The following MAP3K4 variants were observed in gnomAD, a reference collection of about 807,000 sequenced individuals.
MAP3K4 encodes the protein MAP three kinase 1.
MAP3K4 carries 67 observed loss-of-function variants against 185.6 expected under a neutral mutation model. That is an observed-to-expected ratio of 0.36 (90% CI 0.30 to 0.44). MAP3K4 has a LOEUF of 0.44. Among genes scored for constraint, MAP3K4 ranks in the 20% least tolerant of loss-of-function variants. MAP3K4 has a pLI of 1.00. For missense variants in MAP3K4, 1,551 were observed against 1,995.1 expected (o/e 0.78, Z 4.24); for synonymous variants, 702 against 710.4 (o/e 0.99, Z 0.19).
chr6:161,019,917 A>T (rs1212822780), intron 1 of MAP3K4, among the ~76,000 whole-genome samples: 1 of 152,240 alleles, frequency 6.6e-6, no homozygotes. Flanking sequence ...CACTCCAAAC[A>T]TGAAACAGCA....
chr6:161,067,407 T>C lies in MAP3K4; in HGVS notation c.1708-3201T>C. 5.7e-6 allele frequency: 1 copy of C among 174,614 alleles called. No individual in the cohort carries two copies. Among genetic ancestry groups the C allele is most frequent in the Non-Finnish European group, 1.3e-5 (1 of 79,458 alleles). The allele number at this position is 174,614 out of a possible 1,614,324, so 10.8% of individuals were successfully genotyped here. A position where few individuals can be genotyped will look rare whatever the true frequency, so the allele number is the denominator to read the frequency against. On this transcript the variant is annotated intron_variant, in intron 3 of 26. Transcript: ENST00000392142. The surrounding 1 kb of genome is among the most constrained non-coding windows in gnomAD (Gnocchi z 6.3). ...TGGGAGGCAGGTTTACCCTAAGCAG[T>C]TCCCAGCTTGACTTTTCCCTTTAGC... is the stretch of plus-strand genomic sequence containing the variant.
chr6:161,078,419 C>T (rs1313733899), intron 5 of MAP3K4, among the ~76,000 whole-genome samples: 1 of 152,114 alleles, frequency 6.6e-6, no homozygotes, highest in African/African-American at 2.4e-5. Flanking sequence ...AAGGATAAGC[C>T]CATGGGATCT....
chr6:161,071,165 T>G lies in MAP3K4; in HGVS notation c.1950+315T>G, dbSNP rs1784924194. Among the ~76,000 whole-genome samples the G allele has an allele frequency of 6.6e-6, 1 of 152,162 alleles. No homozygotes were observed. The highest frequency in any genetic ancestry group is 2.1e-4 in the South Asian group (1 of 4,822). Reference sequence around the variant, plus strand: ...TAGAGTATAAGATTCTTAAATTTATTTATTTTTTCTATTTGAAGTACATGT... The same window carrying G: ...TAGAGTATAAGATTCTTAAATTTATGTATTTTTTCTATTTGAAGTACATGT... On this transcript the variant is annotated intron_variant, in intron 4 of 26. Transcript: ENST00000392142. This position sits in a 1 kb window ranked among gnomAD's most constrained non-coding sequence, Gnocchi z 4.6.
rs1194113303 is a variant in MAP3K4, at chr6:161,091,866, A to C, written c.3136-144A>C. The C allele has an allele frequency of 1.4e-6, 1 of 705,690 alleles. No individual in the cohort carries two copies. Among genetic ancestry groups the C allele is most frequent in the Non-Finnish European group, 2.3e-6 (1 of 434,582 alleles). 43.7% of individuals were successfully genotyped at this position (705,690 alleles called of 1,614,324 possible). A position where few individuals can be genotyped will look rare whatever the true frequency, so the allele number is the denominator to read the frequency against. The stretch of plus-strand genomic sequence containing the variant: ...ATTTTGAAACACTGTACTTTCCATA[A>C]TTCTTCATACTATTCAAAATATAGA... On this transcript the variant is annotated intron_variant, in intron 12 of 26. Transcript: ENST00000392142. The surrounding 1 kb of genome is among the most constrained non-coding windows in gnomAD (Gnocchi z 5.5).
intron 11 of MAP3K4, among the ~76,000 whole-genome samples, chr6:161,090,587 T>C (rs1190517352): frequency 8.4e-6 from 1 of 118,848 alleles, no homozygotes; most frequent in African/African-American, 3.0e-5. Context: ...TGTGGACGTT[T>C]GGGCCCGTAA....
At chr6:161,018,314 A>G (rs574420080) in intron 1 of MAP3K4, among the ~76,000 whole-genome samples, 7 of 152,296 alleles carry the variant, frequency 4.6e-5, no homozygotes, top group Admixed American at 3.3e-4. Context: ...GAAACTCTGC[A>G]AATAAGGCAA....
intron 1 of MAP3K4, among the ~76,000 whole-genome samples, chr6:161,028,826 A>G (rs1782791008): frequency 6.6e-6 from 1 of 152,172 alleles, no homozygotes; most frequent in South Asian, 2.1e-4. Context: ...TCGAGGTTTG[A>G]CCGTTCACCT....
chr6:161,021,178 G>A (rs1782368279), intron 1 of MAP3K4, among the ~76,000 whole-genome samples: 2 of 152,186 alleles, frequency 1.3e-5, no homozygotes, highest in Admixed American at 1.3e-4. Flanking sequence ...CCATTTGTAA[G>A]GTTTTTATAA....
rs549789211 is a variant in MAP3K4 at position 161,029,000 on chromosome 6, A to G, written c.153-5259A>G. Among the ~76,000 whole-genome samples the G allele has an allele frequency of 1.4e-4, 22 of 152,316 alleles. No individual in the cohort carries two copies. In the East Asian group the frequency reaches 4.2e-3, roughly 29 times the overall value. On this transcript the variant is annotated intron_variant, in intron 1 of 26. Coordinates refer to ENST00000392142, the MANE Select transcript of MAP3K4 (RefSeq NM_005922.4). ...CTTAGCTCCCTTTGATTAATACTTC[A>G]GGCCAAGCAAGCTATACACATTGTT...
At chr6:160,993,813 C>T (rs73591456) in intron 1 of MAP3K4, among the ~76,000 whole-genome samples, 3,731 of 151,754 alleles carry the variant, frequency 0.025, 172 homozygotes, top group African/African-American at 0.086. Flanking sequence ...TAATGGGTTT[C>T]ATCCAACTGT....
At chr6:161,025,152 T>C (rs1782583427) in intron 1 of MAP3K4, among the ~76,000 whole-genome samples, 1 of 152,238 alleles carries the variant, frequency 6.6e-6, no homozygotes, top group Non-Finnish European at 1.5e-5. Context: ...AGTTGGCTCC[T>C]GTGTCTCTGT....
chr6:161,037,971 A>AT lies in MAP3K4; in HGVS notation c.343+3530dup, dbSNP rs144533292. On this transcript the variant is annotated intron_variant, in intron 2 of 26. Transcript: ENST00000392142. This position sits in a 1 kb window ranked among gnomAD's most constrained non-coding sequence, Gnocchi z 4.2. ...TCTCACTACATAATGCTGCTAGTAC[A>AT]TTTTTTTTGTTACTGTTGCTGTTGC... Among the ~76,000 whole-genome samples the AT allele has an allele frequency of 0.022, 3,405 of 151,776 alleles. 109 individuals carry two copies. Among genetic ancestry groups the AT allele is most frequent in the African/African-American group, 0.073 (3,031 of 41,328 alleles).
intron 1 of MAP3K4, among the ~76,000 whole-genome samples, chr6:161,028,788 A>T (rs1282878798): frequency 6.6e-6 from 1 of 152,250 alleles, no homozygotes; most frequent in Admixed American, 6.5e-5. Flanking sequence ...AAACAGTGCA[A>T]AAGTTAGATA....
chr6:161,025,002 T>G (rs140565397), intron 1 of MAP3K4, among the ~76,000 whole-genome samples: 5,830 of 148,126 alleles, frequency 0.039, 151 homozygotes, highest in South Asian at 0.077. Context: ...CACCCAGCCA[T>G]CCATCCATCC....
At position 161,043,167 on chromosome 6, in the gene MAP3K4, A is replaced by G. The variant is rs554071163; in HGVS notation, c.344-5449A>G. The stretch of plus-strand genomic sequence containing the variant: ...TGTCAACCAGAGTGGATTTAAATCC[A>G]TATTTCAGCTCTTTAGTCTAAACTT... On this transcript the variant is annotated intron_variant, in intron 2 of 26. Coordinates refer to ENST00000392142, the MANE Select transcript of MAP3K4 (RefSeq NM_005922.4). The surrounding 1 kb of genome is among the most constrained non-coding windows in gnomAD (Gnocchi z 4.3). Among the ~76,000 whole-genome samples the G allele has an allele frequency of 3.9e-5, 6 of 152,340 alleles. No homozygotes were observed. Among genetic ancestry groups the G allele is most frequent in the African/African-American group, 9.6e-5 (4 of 41,584 alleles).
In MAP3K4 at chr6:161,106,078, C is replaced by G. The variant is rs1346985376; in HGVS notation, c.3857-436C>G. ...TCTTGAACTCCTAGGCTCAAGTGATCTGCCCACCTCACCTCCCAAAGTGCT... is the reference window on the plus strand; with the variant it reads ...TCTTGAACTCCTAGGCTCAAGTGATGTGCCCACCTCACCTCCCAAAGTGCT... On this transcript the variant is annotated intron_variant, in intron 19 of 26. Coordinates refer to ENST00000392142, the MANE Select transcript of MAP3K4 (RefSeq NM_005922.4). This position sits in a 1 kb window ranked among gnomAD's most constrained non-coding sequence, Gnocchi z 4.9. 6.6e-6 allele frequency among the ~76,000 whole-genome samples: 1 copy of G among 152,088 alleles called. No homozygotes were observed. The highest frequency in any genetic ancestry group is 1.5e-5 in the Non-Finnish European group (1 of 68,012).
At position 161,107,541 on chromosome 6, in the gene MAP3K4, GT is replaced by G. The variant is rs1778138334; in HGVS notation, c.4049-354del. Among the ~76,000 whole-genome samples the G allele has an allele frequency of 6.6e-6, 1 of 152,172 alleles. No individual in the cohort carries two copies. The highest frequency in any genetic ancestry group is 1.5e-5 in the Non-Finnish European group (1 of 68,030). On this transcript the variant is annotated intron_variant, in intron 20 of 26. Transcript: ENST00000392142. This position sits in a 1 kb window ranked among gnomAD's most constrained non-coding sequence, Gnocchi z 6.2. ...ACAATGGTCAGGCTTAGTCCTGGCTGTTTTCTGCTGCTCCCAGCCCCAGCCA... is the reference window on the plus strand; with the variant it reads ...ACAATGGTCAGGCTTAGTCCTGGCTGTTTCTGCTGCTCCCAGCCCCAGCCA...
chr6:160,992,019 C>CCGCCGCCGCCACCGCCGT lies in MAP3K4; in HGVS notation c.95_96insGCCACCGCCGTCGCCGCC (p.Pro35_Pro36insSerProProProProPro). 1 of 1,555,158 alleles carries CCGCCGCCGCCACCGCCGT rather than the reference C, an allele frequency of 6.4e-7. No individual in the cohort carries two copies. The highest frequency in any genetic ancestry group is 8.6e-7 in the Non-Finnish European group (1 of 1,157,528). ...CATGGAGGAGCCGCCGCCACCGCCG[C>CCGCCGCCGCCACCGCCGT]CGCCGCCACCACCGCCACCGGAACC... On this transcript the variant is annotated inframe_insertion, in exon 1 of 27. Coordinates refer to ENST00000392142, the MANE Select transcript of MAP3K4 (RefSeq NM_005922.4).
At position 161,084,346 on chromosome 6, in the gene MAP3K4, G is replaced by A. The variant is rs986190766; in HGVS notation, c.2256-155G>A. Reference sequence around the variant, plus strand: ...ATAATCCAGATTCCTATTTTTCCACGTCCAGGGTTTTATATTAAAAGAAGA... The same window carrying A: ...ATAATCCAGATTCCTATTTTTCCACATCCAGGGTTTTATATTAAAAGAAGA... On this transcript the variant is annotated intron_variant, in intron 6 of 26. Transcript: ENST00000392142. This position sits in a 1 kb window ranked among gnomAD's most constrained non-coding sequence, Gnocchi z 4.6. Among the ~76,000 whole-genome samples the A allele has an allele frequency of 2.6e-5, 4 of 152,118 alleles. No individual in the cohort carries two copies. The highest frequency in any genetic ancestry group is 1.3e-4 in the Admixed American group (2 of 15,280).
Sources: gnomAD v4.1 joint callset for allele counts (sites outside exome capture counted in the v4.1 genomes callset) on GRCh38, gnomAD v4.1.1 for gene constraint, Gnocchi (gnomAD v3.1) non-coding constraint, MANE v1.5 for transcripts, NCBI Gene and HGNC (gene_info 2026-07-23, HGNC 2026-07-21) for gene names.